The following ZFP64 variants were observed in gnomAD, a reference collection of about 807,000 sequenced individuals.
ZFP64 encodes zinc finger protein 64.
A neutral mutation model predicts 51.6 loss-of-function variants in ZFP64; 14 were observed. The observed-to-expected ratio is 0.27, with a 90% CI of 0.18 to 0.42. ZFP64 has a LOEUF of 0.42. ZFP64 is among the 10% of genes least tolerant of loss of function. The probability of loss-of-function intolerance (pLI) is 1.00; values close to 1 mark genes in which losing one functional copy is unlikely to be tolerated. For synonymous variants in ZFP64, 375 were observed against 361.4 expected (o/e 1.04, Z -0.43); for missense variants, 754 against 906.8 (o/e 0.83, Z 2.16).
At chr20:52,156,280 G>A (rs770451163) in intron 5 of ZFP64, among the ~76,000 whole-genome samples, 16 of 152,104 alleles carry the variant, frequency 1.1e-4, no homozygotes, top group South Asian at 2.1e-4. Flanking sequence ...ATGTTCTCCC[G>A]TGATCCATGA....
intron 5 of ZFP64, among the ~76,000 whole-genome samples, chr20:52,101,224 C>G (rs1223154476): frequency 6.6e-6 from 1 of 152,162 alleles, no homozygotes; most frequent in Non-Finnish European, 1.5e-5. Flanking sequence ...AATGTTTCTT[C>G]CAAGTGTAAT....
intron 5 of ZFP64, among the ~76,000 whole-genome samples, chr20:52,159,893 T>G (rs1056617905): frequency 2.6e-5 from 4 of 152,120 alleles, no homozygotes; most frequent in African/African-American, 7.2e-5. Flanking sequence ...AAGAATTGCT[T>G]GAGCCTGGGA....
rs1978305361 is a variant in ZFP64, at chr20:52,105,326, C to T, written c.764-6739G>A. On this transcript the variant is annotated intron_variant, in intron 5 of 8. Transcript: ENST00000361387. ...GAGTTCGGAAATTACCCCCCTTCGGCCGGAACGCGCATGTCCCGGCAATTC... is the reference window on the plus strand; with the variant it reads ...GAGTTCGGAAATTACCCCCCTTCGGTCGGAACGCGCATGTCCCGGCAATTC... The T allele has an allele frequency of 8.0e-6, 10 of 1,253,144 alleles. No homozygotes were observed. The South Asian group carries it at 2.4e-4, about 31-fold the overall frequency. The allele number at this position is 1,253,144 out of a possible 1,614,324, so 77.6% of individuals were successfully genotyped here. A position where few individuals can be genotyped will look rare whatever the true frequency, so the allele number is the denominator to read the frequency against.
intron 2 of ZFP64, among the ~76,000 whole-genome samples, chr20:52,169,677 G>T (rs752471927): frequency 1.3e-5 from 2 of 152,140 alleles, no homozygotes; most frequent in Non-Finnish European, 2.9e-5. Flanking sequence ...CTTCTCAGAT[G>T]TATAATTTGC....
chr20:52,121,391 T>TAA (rs75085690), intron 5 of ZFP64, among the ~76,000 whole-genome samples: 1 of 152,166 alleles, frequency 6.6e-6, no homozygotes, highest in African/African-American at 2.4e-5. Context: ...ACATGAGTGA[T>TAA]AAAAAAGTGA....
In ZFP64 at chr20:52,131,655, TC is replaced by T. The variant is rs371840854; in HGVS notation, c.763+28467del. 4.1e-3 allele frequency among the ~76,000 whole-genome samples: 632 copies of T among 152,304 alleles called. 5 individuals are homozygous for T. The highest frequency in any genetic ancestry group is 0.015 in the African/African-American group (607 of 41,560). Reference sequence around the variant, plus strand: ...ATATAATGTTTATAAAGGGGTGAATTCAGCAAAAAGATATCGCAGTTTTAAA... The same window carrying T: ...ATATAATGTTTATAAAGGGGTGAATTAGCAAAAAGATATCGCAGTTTTAAA... On this transcript the variant is annotated intron_variant, in intron 5 of 8. Coordinates refer to the ZFP64 transcript ENST00000361387.
intron 5 of ZFP64, among the ~76,000 whole-genome samples, chr20:52,118,642 C>A (rs6126463): frequency 0.053 from 8,075 of 152,310 alleles, 286 homozygotes; most frequent in Admixed American, 0.11. Context: ...TGGGTTGCCA[C>A]TGGGGGCAAG....
At chr20:52,132,408 A>AG (rs1979763613) in intron 5 of ZFP64, among the ~76,000 whole-genome samples, 1 of 151,994 alleles carries the variant, frequency 6.6e-6, no homozygotes, top group Admixed American at 6.6e-5. Flanking sequence ...ATAATACAAA[A>AG]GGTCAATGAA....
rs550994162 is a variant in ZFP64 at position 52,174,417 on chromosome 20, AGGTTGCAGT to A, written c.287-8401_287-8393del. On this transcript the variant is annotated intron_variant, in intron 2 of 5. Transcript: ENST00000216923. Reference sequence around the variant, plus strand: ...AGAATTGCTTGAACCCGGGAGGCGGAGGTTGCAGTGGGCCAAGATCGCGTCATTGCGCTC... The same window carrying A: ...AGAATTGCTTGAACCCGGGAGGCGGAGGGCCAAGATCGCGTCATTGCGCTC... 3.8e-3 allele frequency among the ~76,000 whole-genome samples: 521 copies of A among 137,310 alleles called. 2 individuals carry two copies. Among genetic ancestry groups the A allele is most frequent in the Non-Finnish European group, 6.1e-3 (397 of 65,062 alleles). The allele number at this position is 137,310 out of a possible 152,430, so 90.1% of individuals were successfully genotyped here.
At position 52,191,774 on chromosome 20, in the gene ZFP64, G is replaced by A; in HGVS notation, c.-138C>T. 2 of 1,123,828 alleles carry A rather than the reference G, an allele frequency of 1.8e-6. No homozygotes were observed. The highest frequency in any genetic ancestry group is 2.4e-6 in the Non-Finnish European group (2 of 841,864). 69.6% of individuals were successfully genotyped at this position (1,123,828 alleles called of 1,614,324 possible). On this transcript the variant is annotated 5_prime_UTR_variant, in exon 1 of 6. Coordinates refer to ENST00000216923, the MANE Select transcript of ZFP64 (RefSeq NM_018197.3). The surrounding 1 kb of genome is among the most constrained non-coding windows in gnomAD (Gnocchi z 4.3). The stretch of plus-strand genomic sequence containing the variant: ...CCCAACTCTGCGAGGCGGGGAGGAC[G>A]GATGTAAAGCAAGCTGCACTTCCGC...
intron 5 of ZFP64, among the ~76,000 whole-genome samples, chr20:52,154,494 T>G (rs929406762): frequency 6.6e-6 from 1 of 152,196 alleles, no homozygotes; most frequent in African/African-American, 2.4e-5. Context: ...TGCATATAAC[T>G]GATGTTTGCT....
rs1298230039 is a variant in ZFP64, at chr20:52,099,507, T to A, written c.764-920A>T. 3.9e-5 allele frequency among the ~76,000 whole-genome samples: 6 copies of A among 152,288 alleles called. No homozygotes were observed. In the East Asian group the frequency reaches 1.2e-3, roughly 29 times the overall value. ...GAGAGACTTGAGGTGGTCGACAATA[T>A]CGGGACTTTACTTGGCTCCTGATTA... On this transcript the variant is annotated intron_variant, in intron 5 of 8. Transcript: ENST00000361387.
At chr20:52,094,861 AAAGTGAT>A (rs1195454183) in intron 7 of ZFP64, among the ~76,000 whole-genome samples, 1 of 152,232 alleles carries the variant, frequency 6.6e-6, no homozygotes, top group Non-Finnish European at 1.5e-5. Context: ...TTTTAACTTG[AAAGTGAT>A]AAGTGATCTC....
chr20:52,175,569 GC>G (rs1983122272), intron 2 of ZFP64, among the ~76,000 whole-genome samples: 1 of 152,250 alleles, frequency 6.6e-6, no homozygotes, highest in South Asian at 2.1e-4. Context: ...CTGAGGCCGG[GC>G]ATGGCGGCTC....
intron 5 of ZFP64, among the ~76,000 whole-genome samples, chr20:52,146,100 C>T (rs1044510845): frequency 3.3e-5 from 5 of 151,434 alleles, no homozygotes; most frequent in East Asian, 1.9e-4. Context: ...AACTAAGACA[C>T]AAACATGCGC....
At chr20:52,100,180 G>C (rs111354574) in intron 5 of ZFP64, among the ~76,000 whole-genome samples, 9 of 152,106 alleles carry the variant, frequency 5.9e-5, no homozygotes, top group East Asian at 5.8e-4. Context: ...CAGTAGAGAT[G>C]GGGTTCCACT....
chr20:52,088,672 A>G (rs2273382), intron 7 of ZFP64: 766,283 of 1,612,120 alleles, frequency 0.48, 184,134 homozygotes, highest in African/African-American at 0.58. Context: ...TCAAAGTTAA[A>G]GGTTTTTTGG....
At chr20:52,095,316 G>C (rs2122737623) in intron 7 of ZFP64, among the ~76,000 whole-genome samples, 1 of 152,312 alleles carries the variant, frequency 6.6e-6, no homozygotes, top group East Asian at 1.9e-4. Context: ...GGTGGCAGGA[G>C]GCCATTGTGG....
Position 52,125,078 on chromosome 20 carries a change from C to T in ZFP64, c.764-26491G>A, listed in dbSNP as rs190782002. Among the ~76,000 whole-genome samples the T allele has an allele frequency of 1.2e-4, 19 of 152,292 alleles. No homozygotes were observed. The South Asian group carries it at 2.1e-3, about 17-fold the overall frequency. ...ATGTGAAACCATCTAAGCTAGTGTC[C>T]TTTACAAGGGCAAGGGCTGAGCTCA... On this transcript the variant is annotated intron_variant, in intron 5 of 8. Transcript: ENST00000361387.
Sources: allele counts gnomAD v4.1 joint callset (sites outside exome capture counted in the v4.1 genomes callset), GRCh38; gene constraint gnomAD v4.1.1; non-coding constraint Gnocchi (gnomAD v3.1); transcripts MANE v1.5; gene names NCBI Gene and HGNC (gene_info 2026-07-23, HGNC 2026-07-21).